WT1: variants seen among roughly 807,000 people sequenced by gnomAD.
WT1 encodes WT1 transcription factor, also known as Wilms tumor protein.
In WT1, 8 loss-of-function variants were observed where a neutral mutation model predicts 60.8. The ratio of observed to expected loss-of-function variants is 0.13; its 90% CI spans 0.08 to 0.24. WT1 has a LOEUF of 0.24. WT1 is among the 10% of genes least tolerant of loss of function. WT1 has a pLI of 1.00. For synonymous variants in WT1, 312 were observed against 297.1 expected (o/e 1.05, Z -0.52); for missense variants, 568 against 711.8 (o/e 0.80, Z 2.30).
chr11:32,432,744 A>AC (rs1298292919), intron 1 of WT1, among the ~76,000 whole-genome samples: 1 of 151,802 alleles, frequency 6.6e-6, no homozygotes, highest in African/African-American at 2.4e-5. Context: ...CCACAGTCCC[A>AC]CCCCCCACGA....
At chr11:32,432,471 A>G (rs568736604) in intron 1 of WT1, among the ~76,000 whole-genome samples, 3 of 152,342 alleles carry the variant, frequency 2.0e-5, no homozygotes, top group South Asian at 2.1e-4. Context: ...AAGCTGCCCA[A>G]TGAGCCTCAA....
intron 3 of WT1, among the ~76,000 whole-genome samples, chr11:32,424,160 C>CAAAAAAA (rs10690035): frequency 1.1e-5 from 1 of 92,214 alleles, no homozygotes; most frequent in Non-Finnish European, 2.1e-5. Flanking sequence ...GATGCCATCT[C>CAAAAAAA]AAAAAAAAAA....
chr11:32,425,180 G>GAAAAAAAAAAAAAAAAAAAA, intron 3 of WT1, among the ~76,000 whole-genome samples: 1 of 119,282 alleles, frequency 8.4e-6, no homozygotes, highest in Non-Finnish European at 1.7e-5. Flanking sequence ...GTCTCGAAAA[G>GAAAAAAAAAAAAAAAAAAAA]AAAAAAAAAA....
chr11:32,405,083 C>T (rs1008035302), intron 5 of WT1, among the ~76,000 whole-genome samples: 1 of 152,166 alleles, frequency 6.6e-6, no homozygotes, highest in Non-Finnish European at 1.5e-5. Flanking sequence ...TAATTTAAAA[C>T]AGAGCCATGA....
At chr11:32,416,377 T>C in intron 5 of WT1, 113 bp downstream of exon 5, 1 of 1,324,564 alleles carries the variant, frequency 7.5e-7, no homozygotes, top group Admixed American at 1.7e-5. Context: ...ATTCTTCCCA[T>C]CCACCAAATG....
chr11:32,414,044 T>C (rs1015578793), intron 5 of WT1, among the ~76,000 whole-genome samples: 2 of 152,216 alleles, frequency 1.3e-5, no homozygotes, highest in African/African-American at 4.8e-5. Context: ...ATACTGTTTA[T>C]ATACATCCTT....
intron 7 of WT1, among the ~76,000 whole-genome samples, chr11:32,392,972 TAAAAA>T (rs111384963): frequency 7.4e-6 from 1 of 134,784 alleles, no homozygotes. Flanking sequence ...GCTCTGCCAT[TAAAAA>T]AAAAAAAAAA....
intron 1 of WT1, chr11:32,430,682 G>T (rs916901772): frequency 4.2e-6 from 6 of 1,431,474 alleles, no homozygotes; most frequent in Non-Finnish European, 5.5e-6. Context: ...CCCAGAACTC[G>T]GGCCCAAGGA....
chr11:32,414,464 A>G (rs1025518165), intron 5 of WT1, among the ~76,000 whole-genome samples: 1 of 152,156 alleles, frequency 6.6e-6, no homozygotes, highest in Non-Finnish European at 1.5e-5. Flanking sequence ...TTGTAGAGAA[A>G]GGTTTTCACC....
At chr11:32,416,456 C>T (rs1446522822) in intron 5 of WT1, 34 bp downstream of exon 5, 1 of 1,613,816 alleles carries the variant, frequency 6.2e-7, no homozygotes, top group Admixed American at 1.7e-5. Flanking sequence ...AGGCCTACGC[C>T]ATTTGCTTTG....
intron 1 of WT1, chr11:32,430,887 C>G (rs528915633): frequency 7.8e-6 from 9 of 1,153,914 alleles, no homozygotes; most frequent in Non-Finnish European, 9.6e-6. Flanking sequence ...CGCGCTGTCC[C>G]TGGGCCCAGC....
At chr11:32,424,039 G>A (rs897261272) in intron 3 of WT1, among the ~76,000 whole-genome samples, 1 of 151,860 alleles carries the variant, frequency 6.6e-6, no homozygotes, top group African/African-American at 2.4e-5. Context: ...GCACATGCCT[G>A]TAGTCCCAGC....
intron 3 of WT1, among the ~76,000 whole-genome samples, chr11:32,424,228 G>A (rs546602554): frequency 4.6e-5 from 7 of 151,406 alleles, no homozygotes; most frequent in African/African-American, 7.3e-5. Context: ...GGAATCCTGC[G>A]TGGTCTGGTG....
At chr11:32,397,944 C>T (rs1430018233) in intron 6 of WT1, among the ~76,000 whole-genome samples, 7 of 152,120 alleles carry the variant, frequency 4.6e-5, no homozygotes, top group African/African-American at 1.7e-4. Flanking sequence ...ACAAACTGGG[C>T]TTGATGGGAA....
chr11:32,412,020 T>G (rs1041724645), intron 5 of WT1, among the ~76,000 whole-genome samples: 1 of 152,194 alleles, frequency 6.6e-6, no homozygotes, highest in East Asian at 1.9e-4. Flanking sequence ...TCACTTTGCA[T>G]CTCAGGCTCC....
chr11:32,420,091 A>G (rs1371622389), intron 3 of WT1, among the ~76,000 whole-genome samples: 1 of 152,190 alleles, frequency 6.6e-6, no homozygotes, highest in African/African-American at 2.4e-5. Flanking sequence ...TGTGTACTGT[A>G]CTGTCTAATA....
intron 3 of WT1, among the ~76,000 whole-genome samples, chr11:32,418,259 A>AG (rs397781490): frequency 1.5e-4 from 22 of 150,830 alleles, no homozygotes; most frequent in Admixed American, 2.6e-4. Flanking sequence ...AAAAAAAAAA[A>AG]GAGCCCAGTT....
At chr11:32,411,135 T>C (rs1427398476) in intron 5 of WT1, among the ~76,000 whole-genome samples, 1 of 150,646 alleles carries the variant, frequency 6.6e-6, no homozygotes, top group East Asian at 1.9e-4. Flanking sequence ...CTCCCTGTGC[T>C]ACAATCACTG....
chr11:32,417,397 G>A lies in WT1; in HGVS notation c.965+180C>T, dbSNP rs1852708656. ...AGAAACAACCCACATTTATGTTTTT[G>A]AAAATTTAATACTGAACACAACTCA... is the stretch of plus-strand genomic sequence containing the variant. On this transcript the variant is annotated intron_variant, in intron 4 of 9. Transcript: ENST00000452863. 3 of 617,320 alleles carry A rather than the reference G, an allele frequency of 4.9e-6. No individual in the cohort carries two copies. In the African/African-American group the frequency reaches 5.6e-5, roughly 11 times the overall value. 38.2% of individuals were successfully genotyped at this position (617,320 alleles called of 1,614,324 possible). A position where few individuals can be genotyped will look rare whatever the true frequency, so the allele number is the denominator to read the frequency against.
Sources: allele counts gnomAD v4.1 joint callset (sites outside exome capture counted in the v4.1 genomes callset), GRCh38; gene constraint gnomAD v4.1.1; transcripts MANE v1.5; gene names NCBI Gene and HGNC (gene_info 2026-07-23, HGNC 2026-07-21).